SART1: variants seen among roughly 807,000 people sequenced by gnomAD.
SART1 encodes U4/U6.U5 tri-snRNP-associated protein 1.
SART1 carries 28 observed loss-of-function variants against 105.0 expected under a neutral mutation model. The observed-to-expected ratio is 0.27, with a 90% CI of 0.20 to 0.37. SART1 has a LOEUF of 0.37. SART1 is among the 10% of genes least tolerant of loss of function. The probability of loss-of-function intolerance (pLI) is 1.00; values close to 1 mark genes in which losing one functional copy is unlikely to be tolerated. For missense variants in SART1, 894 were observed against 1,106.5 expected, an observed-to-expected ratio of 0.81 and a Z score of 2.72; for synonymous variants, 472 against 462.9, an observed-to-expected ratio of 1.02 and a Z score of -0.25.
At position 65,978,518 on chromosome 11, in the gene SART1, C is replaced by T. The variant is rs1227963578; in HGVS notation, c.2173-82C>T. 3 of 1,367,272 alleles carry T rather than the reference C, an allele frequency of 2.2e-6. No homozygotes were observed. The highest frequency in any genetic ancestry group is 3.1e-6 in the Non-Finnish European group (3 of 982,614). 84.7% of individuals were successfully genotyped at this position (1,367,272 alleles called of 1,614,324 possible). On this transcript the variant is annotated intron_variant, in intron 17 of 19. Coordinates refer to ENST00000312397, the MANE Select transcript of SART1 (RefSeq NM_005146.5). The surrounding 1 kb of genome is among the most constrained non-coding windows in gnomAD (Gnocchi z 6.8). ...GCATTGGGGTCAATCAACACCCGCC[C>T]TGTTATTATACACCTTGTGGGCACA...
intron 8 of SART1, 58 bp from the exon 9 acceptor site, chr11:65,966,292 G>C: frequency 6.2e-7 from 1 of 1,613,736 alleles, no homozygotes; most frequent in Non-Finnish European, 8.5e-7. Flanking sequence ...AGGAGGTGGT[G>C]GCTCAGTGGC....
At position 65,977,724 on chromosome 11, in the gene SART1, G is replaced by A. The variant is rs373209379; in HGVS notation, c.2037-40G>A. 1.4e-5 allele frequency: 22 copies of A among 1,613,770 alleles called. 1 individual carries two copies. Among genetic ancestry groups the A allele is most frequent in the Middle Eastern group, 1.6e-4 (1 of 6,084 alleles). On this transcript the variant is annotated intron_variant, in intron 16 of 19. Coordinates refer to ENST00000312397, the MANE Select transcript of SART1 (RefSeq NM_005146.5). ...TTGGAGCTTCGGGACCACAGCAGGC[G>A]GCAGCTCCTCACACTAAGGCCTCCT...
At chr11:65,964,724 T>A (rs1039223051) in intron 3 of SART1, among the ~76,000 whole-genome samples, 154 bp downstream of exon 3, 1 of 152,216 alleles carries the variant, frequency 6.6e-6, no homozygotes, top group African/African-American at 2.4e-5. Context: ...GCTGGTATAA[T>A]GGGGATCTGG....
In SART1 at chr11:65,976,740, C is replaced by T. The variant is rs1855488588; in HGVS notation, c.1831C>T (p.Leu611=). Residue 611 remains leucine, a synonymous_variant, in exon 14 of 20, where the codon CTG becomes TTG. Coordinates refer to ENST00000312397, the MANE Select transcript of SART1 (RefSeq NM_005146.5). The surrounding 1 kb of genome is among the most constrained non-coding windows in gnomAD (Gnocchi z 5.1). ...EENIGWSTVN[L]DEEKQQQDFS... ...GAACATCGGCTGGAGCACGGTGAACCTGGACGAGGAGAAGCAGCAGCAGGA... is the reference window on the plus strand; with the variant it reads ...GAACATCGGCTGGAGCACGGTGAACTTGGACGAGGAGAAGCAGCAGCAGGA... 6.2e-7 allele frequency: 1 copy of T among 1,611,956 alleles called. No individual in the cohort carries two copies. The highest frequency in any genetic ancestry group is 8.5e-7 in the Non-Finnish European group (1 of 1,179,390).
Position 65,964,519 on chromosome 11 carries a change from C to G in SART1, c.376C>G (p.Leu126Val), listed in dbSNP as rs1295919213. The G allele has an allele frequency of 6.2e-7, 1 of 1,613,348 alleles. No individual in the cohort carries two copies. The highest frequency in any genetic ancestry group is 8.5e-7 in the Non-Finnish European group (1 of 1,179,828). Residue 126 changes from leucine (L) to valine (V), a missense_variant, in exon 3 of 20, where the codon CTC becomes GTC. Coordinates refer to ENST00000312397, the MANE Select transcript of SART1 (RefSeq NM_005146.5). ...ACTTGTATCTCTTGTTGTCAGCAAACTCCGGGCAAAGTTGGGGCTGAAACC... is the reference window on the plus strand; with the variant it reads ...ACTTGTATCTCTTGTTGTCAGCAAAGTCCGGGCAAAGTTGGGGCTGAAACC... ...SSLSIEETNK[L>V]RAKLGLKPLE...
intron 1 of SART1, among the ~76,000 whole-genome samples, chr11:65,962,720 A>G (rs1855171599): frequency 6.6e-6 from 1 of 152,224 alleles, no homozygotes; most frequent in Non-Finnish European, 1.5e-5. Flanking sequence ...AAAGGTAGTC[A>G]GGACTGGAGA....
rs1590644950 is a variant in SART1, at chr11:65,976,787, G to T, written c.1857+21G>T. ...AGGATGTGAGGGCCGCGCCGCTGGG[G>T]GGTGGGCGTTTGGGGGTGCTCAAGC... is the stretch of plus-strand genomic sequence containing the variant. On this transcript the variant is annotated intron_variant, in intron 14 of 19. Coordinates refer to ENST00000312397, the MANE Select transcript of SART1 (RefSeq NM_005146.5). The surrounding 1 kb of genome is among the most constrained non-coding windows in gnomAD (Gnocchi z 5.1). 2 of 1,579,456 alleles carry T rather than the reference G, an allele frequency of 1.3e-6. No homozygotes were observed. Among genetic ancestry groups the T allele is most frequent in the Non-Finnish European group, 1.7e-6 (2 of 1,160,724 alleles).
Position 65,978,366 on chromosome 11 carries a change from C to G in SART1, c.2173-234C>G, listed in dbSNP as rs1365574227. The G allele has an allele frequency of 1.8e-5, 10 of 568,764 alleles. No individual in the cohort carries two copies. In the Admixed American group the frequency reaches 3.1e-4, roughly 17 times the overall value. The allele number at this position is 568,764 out of a possible 1,614,324, so 35.2% of individuals were successfully genotyped here. On this transcript the variant is annotated intron_variant, in intron 17 of 19. Coordinates refer to ENST00000312397, the MANE Select transcript of SART1 (RefSeq NM_005146.5). The surrounding 1 kb of genome is among the most constrained non-coding windows in gnomAD (Gnocchi z 6.8). Reference sequence around the variant, plus strand: ...CCCCTGCGTGGCAGGTCTCCAGGTTCCCCATGCTCTGCCCCCATGGCAGCG... The same window carrying G: ...CCCCTGCGTGGCAGGTCTCCAGGTTGCCCATGCTCTGCCCCCATGGCAGCG...
At position 65,967,509 on chromosome 11, in the gene SART1, A is replaced by C. The variant is rs1195520574; in HGVS notation, c.1352A>C (p.Glu451Ala). The C allele has an allele frequency of 6.2e-7, 1 of 1,612,974 alleles. No homozygotes were observed. Among genetic ancestry groups the C allele is most frequent in the South Asian group, 1.1e-5 (1 of 91,058 alleles). ...GGTCGCCGCCGAGTGTCCGAAGTGG[A>C]GGAGGAGAAGGAGCCTGTGCCTCAG... ...GRGRRRVSEV[E>A]EEKEPVPQPL... The change falls in exon 11 of 20, where the codon GAG (glutamate) becomes GCG (alanine). Residue 451 changes from glutamate to alanine, a missense_variant. Around this residue, in one of 2 missense-constraint regions of SART1, gnomAD observed 712 missense variants for 778.2 expected, o/e 0.91. Transcript: ENST00000312397.
rs1486028406 is a variant in SART1 at position 65,974,481 on chromosome 11, C to A, written c.1573-1914C>A. ...GGATCACTTGAAGCTGGTTTTGGGA[C>A]CAGCCTGGGCAACATGGTGAAACCC... is the stretch of plus-strand genomic sequence containing the variant. On this transcript the variant is annotated intron_variant, in intron 12 of 19. Coordinates refer to ENST00000312397, the MANE Select transcript of SART1 (RefSeq NM_005146.5). 3.3e-5 allele frequency among the ~76,000 whole-genome samples: 5 copies of A among 151,320 alleles called. No homozygotes were observed. In the Admixed American group the frequency reaches 3.3e-4, roughly 10 times the overall value.
chr11:65,966,178 T>A lies in SART1; in HGVS notation c.941T>A (p.Leu314Gln). ...VELRKKKPDYLPYAEDESVDD... is the reference protein window; with the variant it reads ...VELRKKKPDYQPYAEDESVDD... ...CTGCGGAAGAAGAAGCCTGACTACC[T>A]GCCCTATGCCGAGGACGAGAGCGTG... The change falls in exon 8 of 20, where the codon CTG (leucine) becomes CAG (glutamine). Residue 314 changes from leucine (L) to glutamine (Q), a missense_variant. Leu to Gln is a moderately radical substitution (Grantham distance 113). This residue lies in a region of SART1 where 712 missense variants were observed against 778.2 expected (regional missense o/e 0.91). Transcript: ENST00000312397. 6.2e-7 allele frequency: 1 copy of A among 1,614,022 alleles called. No homozygotes were observed. Among genetic ancestry groups the A allele is most frequent in the Non-Finnish European group, 8.5e-7 (1 of 1,180,014 alleles).
rs1855546766 is a variant in SART1 at position 65,979,359 on chromosome 11, G to A, written c.*329G>A. 2.2e-6 allele frequency: 1 copy of A among 460,058 alleles called. No homozygotes were observed. The highest frequency in any genetic ancestry group is 3.5e-5 in the Admixed American group (1 of 28,752). 28.5% of individuals were successfully genotyped at this position (460,058 alleles called of 1,614,324 possible). On this transcript the variant is annotated 3_prime_UTR_variant, in exon 20 of 20. Transcript: ENST00000312397. ...CTCTCCTGGCCTCGGGGGCTGCACAGGTCACTGTCCTGTAATGTCTCCCGG... is the reference window on the plus strand; with the variant it reads ...CTCTCCTGGCCTCGGGGGCTGCACAAGTCACTGTCCTGTAATGTCTCCCGG...
rs369148455 is a variant in SART1 at position 65,961,750 on chromosome 11, C to T, written c.-31C>T. ...CCCATTTTGCGTTGTCTGGGCTCGG[C>T]GGCAGCCGGGCTCGGAGTGGACGTG... On this transcript the variant is annotated 5_prime_UTR_variant, in exon 1 of 20. Coordinates refer to ENST00000312397, the MANE Select transcript of SART1 (RefSeq NM_005146.5). 79 of 1,466,672 alleles carry T rather than the reference C, an allele frequency of 5.4e-5. No homozygotes were observed. Among genetic ancestry groups the T allele is most frequent in the Non-Finnish European group, 6.7e-5 (75 of 1,114,264 alleles). 90.9% of individuals were successfully genotyped at this position (1,466,672 alleles called of 1,614,324 possible). A position where few individuals can be genotyped will look rare whatever the true frequency, so the allele number is the denominator to read the frequency against.
Position 65,977,575 on chromosome 11 carries a change from C to A in SART1, c.1958C>A (p.Thr653Asn), listed in dbSNP as rs1359260372. Reference protein sequence around the residue: ...LLCQNKGLLETTVQKVARVKA... With the variant: ...LLCQNKGLLENTVQKVARVKA... ...CCTCCATCCCTAGGGCTGCTGGAGA[C>A]CACAGTGCAGAAGGTGGCCCGGGTG... The change falls in exon 16 of 20, where the codon ACC (threonine) becomes AAC (asparagine). Residue 653 changes from threonine to asparagine, a missense_variant. Around this residue, in one of 2 missense-constraint regions of SART1, gnomAD observed 182 missense variants for 328.3 expected, o/e 0.55. Coordinates refer to ENST00000312397, the MANE Select transcript of SART1 (RefSeq NM_005146.5). 1 of 1,613,852 alleles carries A rather than the reference C, an allele frequency of 6.2e-7. No individual in the cohort carries two copies. The highest frequency in any genetic ancestry group is 8.5e-7 in the Non-Finnish European group (1 of 1,179,954).
At chr11:65,970,137 G>C (rs951048780) in intron 12 of SART1, among the ~76,000 whole-genome samples, 2 of 152,132 alleles carry the variant, frequency 1.3e-5, no homozygotes, top group African/African-American at 4.8e-5. Context: ...TATAAACATT[G>C]TTACAGTTCT....
chr11:65,967,772 G>A lies in SART1; in HGVS notation c.1523G>A (p.Arg508Gln), dbSNP rs749334887. 17 of 1,549,846 alleles carry A rather than the reference G, an allele frequency of 1.1e-5. No homozygotes were observed. The highest frequency in any genetic ancestry group is 3.6e-5 in the South Asian group (3 of 84,038). Residue 508 changes from arginine to glutamine, a missense_variant, in exon 12 of 20, where the codon CGG becomes CAG. By Grantham distance (43) the Arg-to-Gln change is conservative. Coordinates refer to ENST00000312397, the MANE Select transcript of SART1 (RefSeq NM_005146.5). ...ELQKQLEKGRRLRQLQQLQQL... is the reference protein window; with the variant it reads ...ELQKQLEKGRQLRQLQQLQQL... The stretch of plus-strand genomic sequence containing the variant: ...CAGAAGCAGCTGGAGAAGGGACGCC[G>A]GCTGCGACAGTTACAGCAGCTACAG...
At chr11:65,966,857 C>CTGAGT (rs1855270741) in intron 9 of SART1, among the ~76,000 whole-genome samples, 1 of 152,148 alleles carries the variant, frequency 6.6e-6, no homozygotes, top group Non-Finnish European at 1.5e-5. Flanking sequence ...GAGCCGCCTC[C>CTGAGT]TGAGGTTGCT....
At chr11:65,973,500 A>G (rs1411199615) in intron 12 of SART1, among the ~76,000 whole-genome samples, 1 of 152,224 alleles carries the variant, frequency 6.6e-6, no homozygotes, top group African/African-American at 2.4e-5. Context: ...TTCCGCAGAA[A>G]GGTCCAAGCC....
In SART1 at chr11:65,965,443, A is replaced by AGAGG. The variant is rs1565312714; in HGVS notation, c.658_660+1dup. On this transcript the variant is annotated frameshift_variant, in exon 5 of 20. Coordinates refer to ENST00000312397, the MANE Select transcript of SART1 (RefSeq NM_005146.5). LOFTEE classifies it high-confidence loss of function. ...CAGAAGGAGAAGGACCTGGCAGAGA[A>AGAGG]GAGGGTGAGCACCTGGGCAGCATGG... 1 of 1,555,842 alleles carries AGAGG rather than the reference A, an allele frequency of 6.4e-7. No individual in the cohort carries two copies. The highest frequency in any genetic ancestry group is 1.2e-5 in the South Asian group (1 of 84,502).
Sources: gnomAD v4.1 joint callset for allele counts (sites outside exome capture counted in the v4.1 genomes callset) on GRCh38, gnomAD v4.1.1 for gene constraint, gnomAD v4.1.1 regional missense constraint, Gnocchi (gnomAD v3.1) non-coding constraint, MANE v1.5 for transcripts, NCBI Gene and HGNC (gene_info 2026-07-23, HGNC 2026-07-21) for gene names.